Variants in NOTCH2NLB observed in about 807,000 individuals in gnomAD.
NOTCH2NLB encodes the protein notch homolog 2 N-terminal-like protein B.
A neutral mutation model predicts 14.8 loss-of-function variants in NOTCH2NLB; 1 was observed. The ratio of observed to expected loss-of-function variants is 0.07; its 90% CI spans 0.02 to 0.32. The LOEUF (loss-of-function observed/expected upper bound fraction) is 0.32, where lower values mean the gene tolerates loss of function less well. NOTCH2NLB is among the 10% of genes least tolerant of loss of function. The pLI is 1.00. For synonymous variants in NOTCH2NLB, 6 were observed against 57.5 expected, an observed-to-expected ratio of 0.10 and a Z score of 4.05; for missense variants, 11 against 155.0, an observed-to-expected ratio of 0.07 and a Z score of 4.93.
At chr1:148,638,199 T>G (rs1664258802) in intron 2 of NOTCH2NLB, among the ~76,000 whole-genome samples, 1 of 148,684 alleles carries the variant, frequency 6.7e-6, no homozygotes, top group Admixed American at 6.6e-5. Context: ...AACCAGTGTC[T>G]TCTTATTTAA....
At chr1:148,658,595 C>A (rs1175790939) in intron 1 of NOTCH2NLB, among the ~76,000 whole-genome samples, 1 of 37,398 alleles carries the variant, frequency 2.7e-5, no homozygotes, top group Non-Finnish European at 4.1e-5. Flanking sequence ...CAGGATCTTG[C>A]TCTGTCACCC....
the NOTCH2NLB span, among the ~76,000 whole-genome samples, chr1:148,703,066 T>C: frequency 5.3e-5 from 1 of 18,926 alleles, no homozygotes; most frequent in African/African-American, 1.8e-4. Flanking sequence ...GAGCCGAGAT[T>C]GCGCCACTGC....
intron 1 of NOTCH2NLB, among the ~76,000 whole-genome samples, chr1:148,651,128 G>T: frequency 9.3e-6 from 1 of 107,904 alleles, no homozygotes. Flanking sequence ...GGGCGACACA[G>T]CAAGACTCTG....
chr1:148,633,342 A>C (rs1175642664), intron 2 of NOTCH2NLB, among the ~76,000 whole-genome samples: 1 of 112,778 alleles, frequency 8.9e-6, no homozygotes, highest in Non-Finnish European at 1.7e-5. Context: ...TCATGAGGTC[A>C]GGAGATAGAG....
chr1:148,682,572 A>G (rs1233758728), upstream of NOTCH2NLB, among the ~76,000 whole-genome samples: 1 of 42,770 alleles, frequency 2.3e-5, no homozygotes, highest in Non-Finnish European at 4.1e-5. Context: ...CAAGAGTGAA[A>G]CTCCGTCTCA....
intron 1 of NOTCH2NLB, among the ~76,000 whole-genome samples, chr1:148,675,266 T>A (rs1428244851): frequency 9.4e-3 from 118 of 12,498 alleles, no homozygotes; most frequent in South Asian, 0.04. Flanking sequence ...ATTACAAGTT[T>A]AAATGAAACA....
chr1:148,670,587 A>ATATATAT (rs1664758439), intron 1 of NOTCH2NLB, among the ~76,000 whole-genome samples: 1 of 126,726 alleles, frequency 7.9e-6, no homozygotes, highest in African/African-American at 2.9e-5. Flanking sequence ...TAAATAAATC[A>ATATATAT]ACAGCTTTTC....
At chr1:148,670,604 T>A (rs1384884903) in intron 1 of NOTCH2NLB, among the ~76,000 whole-genome samples, 1 of 131,948 alleles carries the variant, frequency 7.6e-6, no homozygotes, top group Non-Finnish European at 1.7e-5. Context: ...TTTCTAAATC[T>A]AAGGGTAAAA....
intron 2 of NOTCH2NLB, among the ~76,000 whole-genome samples, chr1:148,627,637 T>C (rs1241666271): frequency 2.6e-5 from 4 of 151,734 alleles, no homozygotes; most frequent in South Asian, 4.2e-4. Context: ...CCAAAATGCT[T>C]TTCCCCACCT....
intron 1 of NOTCH2NLB, among the ~76,000 whole-genome samples, chr1:148,661,533 T>C (rs1427778025): frequency 7.3e-5 from 11 of 149,856 alleles, no homozygotes; most frequent in African/African-American, 2.7e-4. Flanking sequence ...TATATAATTT[T>C]CTATGAAAAA....
intron 2 of NOTCH2NLB, among the ~76,000 whole-genome samples, chr1:148,638,024 C>A (rs1664252833): frequency 6.8e-6 from 1 of 148,090 alleles, no homozygotes; most frequent in Non-Finnish European, 1.5e-5. Flanking sequence ...CCAAGTCTTT[C>A]CTACTGTAAA....
At chr1:148,670,539 A>AATATATATAT (rs1156575606) in intron 1 of NOTCH2NLB, among the ~76,000 whole-genome samples, 3 of 93,464 alleles carry the variant, frequency 3.2e-5, no homozygotes, top group African/African-American at 1.3e-4. Context: ...TAAAAAAAAA[A>AATATATATAT]ATATATATAT....
chr1:148,638,826 T>C (rs1664276383), intron 2 of NOTCH2NLB, among the ~76,000 whole-genome samples: 1 of 147,610 alleles, frequency 6.8e-6, no homozygotes, highest in Non-Finnish European at 1.5e-5. Context: ...GAAATAAAAA[T>C]GTGTTGGATA....
chr1:148,689,297 T>TG, the NOTCH2NLB span, among the ~76,000 whole-genome samples: 1 of 114,202 alleles, frequency 8.8e-6, no homozygotes, highest in Non-Finnish European at 1.8e-5. Flanking sequence ...TGTTTTGTTT[T>TG]TTTTAAGATG....
In NOTCH2NLB at chr1:148,651,162, A is replaced by AAT. The variant is rs1218372509; in HGVS notation, c.4-11075_4-11074dup. ...TGCCTGAGAAAAAAAAAAAAAAAAA[A>AAT]ATATATATATATATATATATATATA... On this transcript the variant is annotated intron_variant, in intron 1 of 4. Transcript: ENST00000593495. Among the ~76,000 whole-genome samples, 305 of 45,932 alleles carry AAT rather than the reference A, an allele frequency of 6.6e-3. 1 individual carries two copies. The highest frequency in any genetic ancestry group is 0.022 in the Admixed American group (82 of 3,708). 30.1% of individuals were successfully genotyped at this position (45,932 alleles called of 152,430 possible).
At chr1:148,615,392 C>T (rs1406852456) in intron 3 of NOTCH2NLB, among the ~76,000 whole-genome samples, 1 of 36,124 alleles carries the variant, frequency 2.8e-5, no homozygotes, top group Non-Finnish European at 8.6e-5. Flanking sequence ...TCAAGTGATC[C>T]TCCTGCCTTG....
the NOTCH2NLB span, among the ~76,000 whole-genome samples, chr1:148,704,443 G>A: frequency 2.8e-4 from 2 of 7,052 alleles, no homozygotes; most frequent in Non-Finnish European, 4.0e-4. Flanking sequence ...CTGAAGAGTG[G>A]GCAATGACTC....
chr1:148,645,785 C>G (rs1362530134), intron 1 of NOTCH2NLB, among the ~76,000 whole-genome samples: 1 of 150,892 alleles, frequency 6.6e-6, no homozygotes, highest in Non-Finnish European at 1.5e-5. Context: ...CCTTGTAACA[C>G]TCATGACTCT....
At chr1:148,670,573 T>TATATAA (rs1664756419) in intron 1 of NOTCH2NLB, among the ~76,000 whole-genome samples, 1 of 138,314 alleles carries the variant, frequency 7.2e-6, no homozygotes, top group Non-Finnish European at 1.6e-5. Context: ...TATATATATA[T>TATATAA]ATATAAATAA....
Sources: gnomAD v4.1 joint callset for allele counts (sites outside exome capture counted in the v4.1 genomes callset) on GRCh38, gnomAD v4.1.1 for gene constraint, MANE v1.5 for transcripts, NCBI Gene and HGNC (gene_info 2026-07-23, HGNC 2026-07-21) for gene names.